Variants in CA10 observed in about 807,000 individuals in gnomAD.
CA10 encodes the protein carbonic anhydrase-related protein 10.
Under a neutral mutation model 44.2 loss-of-function variants are expected in CA10, and 14 were observed. The ratio of observed to expected loss-of-function variants is 0.32; its 90% CI spans 0.21 to 0.50. CA10 has a LOEUF of 0.50. Ranked by LOEUF, CA10 falls within the 20% of genes least tolerant of loss-of-function variation. The pLI, the probability that CA10 is intolerant of heterozygous loss-of-function variation, is 0.99. For missense variants in CA10, 350 were observed against 409.7 expected, an observed-to-expected ratio of 0.85 and a Z score of 1.26; for synonymous variants, 159 against 141.6, an observed-to-expected ratio of 1.12 and a Z score of -0.87.
At chr17:51,733,289 A>G (rs1916785052) in intron 4 of CA10, among the ~76,000 whole-genome samples, 1 of 152,228 alleles carries the variant, frequency 6.6e-6, no homozygotes, top group Non-Finnish European at 1.5e-5. Flanking sequence ...AGGGAATTAG[A>G]TGAATTAAAG....
intron 2 of CA10, among the ~76,000 whole-genome samples, chr17:51,978,859 T>G (rs566772095): frequency 6.6e-6 from 1 of 152,054 alleles, no homozygotes; most frequent in African/African-American, 2.4e-5. Flanking sequence ...TTTCAAGCAA[T>G]AAGTCTCATG....
chr17:51,763,797 G>T (rs923284851), intron 3 of CA10, among the ~76,000 whole-genome samples: 18 of 151,842 alleles, frequency 1.2e-4, no homozygotes, highest in African/African-American at 4.4e-4. Flanking sequence ...CTTCACCTCT[G>T]ACATACACTC....
chr17:51,841,713 G>A (rs573544326), intron 3 of CA10, among the ~76,000 whole-genome samples: 18 of 152,096 alleles, frequency 1.2e-4, no homozygotes, highest in Non-Finnish European at 2.4e-4. Context: ...TTTTCAAACC[G>A]CTTTGGCAAA....
chr17:51,831,527 C>A lies in CA10; in HGVS notation c.280-83709G>T, dbSNP rs543085262. Among the ~76,000 whole-genome samples the A allele has an allele frequency of 4.6e-5, 7 of 152,232 alleles. No homozygotes were observed. In the South Asian group the frequency reaches 1.5e-3, roughly 32 times the overall value. On this transcript the variant is annotated intron_variant, in intron 3 of 8. Coordinates refer to ENST00000451037, the MANE Select transcript of CA10 (RefSeq NM_020178.5). ...TACTTTTTATCTTAAAGTTGGTTGT[C>A]TAAAGGTCACTGTCAATGACCAATA...
At chr17:51,921,313 A>G (rs62070771) in intron 3 of CA10, among the ~76,000 whole-genome samples, 23,144 of 152,146 alleles carry the variant, frequency 0.15, 1,969 homozygotes, top group South Asian at 0.3. Flanking sequence ...GGTCTCCATG[A>G]AACAGAAGGT....
intron 2 of CA10, among the ~76,000 whole-genome samples, chr17:51,960,504 AAAAC>A (rs1983847836): frequency 6.6e-6 from 1 of 152,224 alleles, no homozygotes; most frequent in African/African-American, 2.4e-5. Flanking sequence ...AACAACAAGT[AAAAC>A]AAACACTTTA....
rs558811520 is a variant in CA10 at position 52,057,184 on chromosome 17, G to A, written c.136+15135C>T. Among the ~76,000 whole-genome samples, 3 of 152,196 alleles carry A rather than the reference G, an allele frequency of 2.0e-5. No homozygotes were observed. In the South Asian group the frequency reaches 6.2e-4, roughly 32 times the overall value. On this transcript the variant is annotated intron_variant, in intron 2 of 8. Coordinates refer to ENST00000451037, the MANE Select transcript of CA10 (RefSeq NM_020178.5). ...AATTGACCCTTGAACAACATGGGGT[G>A]TGAGCTACGTAGGTCGACTTATACA...
At chr17:52,020,650 A>G (rs1264787487) in intron 2 of CA10, among the ~76,000 whole-genome samples, 1 of 151,936 alleles carries the variant, frequency 6.6e-6, no homozygotes, top group Non-Finnish European at 1.5e-5. Context: ...GCCTTCCATA[A>G]CTTTTATTCA....
chr17:51,672,211 G>A (rs553542718), intron 4 of CA10, among the ~76,000 whole-genome samples: 38 of 152,156 alleles, frequency 2.5e-4, no homozygotes, highest in African/African-American at 8.2e-4. Flanking sequence ...CACACAGATC[G>A]TCACACACAA....
chr17:51,972,509 C>T (rs947849516), intron 2 of CA10, among the ~76,000 whole-genome samples: 1 of 151,788 alleles, frequency 6.6e-6, no homozygotes, highest in Non-Finnish European at 1.5e-5. Context: ...TGGGTAAAAC[C>T]ATTGATATAG....
chr17:51,694,205 G>A (rs1486647744), intron 4 of CA10, among the ~76,000 whole-genome samples: 7 of 148,992 alleles, frequency 4.7e-5, no homozygotes, highest in Admixed American at 6.6e-5. Flanking sequence ...ACTCCGTCTC[G>A]GAAAAAAAAA....
intron 3 of CA10, among the ~76,000 whole-genome samples, chr17:51,759,948 G>T (rs932649251): frequency 6.6e-6 from 1 of 152,166 alleles, no homozygotes; most frequent in African/African-American, 2.4e-5. Flanking sequence ...CCTAAACTAC[G>T]AAAATTCAAG....
At chr17:51,780,875 T>C (rs1023391595) in intron 3 of CA10, among the ~76,000 whole-genome samples, 1 of 152,190 alleles carries the variant, frequency 6.6e-6, no homozygotes, top group Non-Finnish European at 1.5e-5. Flanking sequence ...GCAAAGATCT[T>C]AGGATTTGTG....
chr17:51,651,048 A>G (rs1243300284), intron 5 of CA10, among the ~76,000 whole-genome samples: 1 of 152,228 alleles, frequency 6.6e-6, no homozygotes, highest in Non-Finnish European at 1.5e-5. Context: ...AAACTCATAG[A>G]TAAGCAAGTA....
intron 2 of CA10, among the ~76,000 whole-genome samples, chr17:52,057,602 T>TG (rs1598191452): frequency 1.3e-5 from 2 of 152,070 alleles, no homozygotes; most frequent in Non-Finnish European, 1.5e-5. Context: ...TTTGGCGGCA[T>TG]GGGGGTCAGC....
At chr17:51,983,552 C>CA (rs59022180) in intron 2 of CA10, among the ~76,000 whole-genome samples, 1 of 150,088 alleles carries the variant, frequency 6.7e-6, no homozygotes, top group Non-Finnish European at 1.5e-5. Flanking sequence ...TCCCAGTTTA[C>CA]AAAAAAATAA....
chr17:51,746,291 A>T (rs530123423), intron 4 of CA10, among the ~76,000 whole-genome samples: 9 of 152,308 alleles, frequency 5.9e-5, no homozygotes, highest in African/African-American at 2.2e-4. Context: ...TCAATCATTG[A>T]GTACTTTCAG....
At chr17:51,655,008 C>G (rs1913737150) in intron 4 of CA10, among the ~76,000 whole-genome samples, 1 of 152,000 alleles carries the variant, frequency 6.6e-6, no homozygotes, top group Non-Finnish European at 1.5e-5. Context: ...TTATAAGTCA[C>G]ACAAACACAC....
At chr17:51,700,926 TGGAGGGAGCAG>T (rs1358533477) in intron 4 of CA10, among the ~76,000 whole-genome samples, 1 of 150,346 alleles carries the variant, frequency 6.7e-6, no homozygotes, top group Admixed American at 6.6e-5. Flanking sequence ...GGGGTAGGAG[TGGAGGGAGCAG>T]GGAGGGAGAG....
Sources: gnomAD v4.1 joint callset for allele counts (sites outside exome capture counted in the v4.1 genomes callset) on GRCh38, gnomAD v4.1.1 for gene constraint, MANE v1.5 for transcripts, NCBI Gene and HGNC (gene_info 2026-07-23, HGNC 2026-07-21) for gene names.